The following ARAP2 variants were observed in gnomAD, a reference collection of about 807,000 sequenced individuals.
ARAP2 encodes the protein ArfGAP with RhoGAP domain, ankyrin repeat and PH domain 2.
In ARAP2, 148 loss-of-function variants were observed where a neutral mutation model predicts 194.5. The ratio of observed to expected loss-of-function variants is 0.76; its 90% confidence interval spans 0.67 to 0.87. The LOEUF is 0.87. Ranked by LOEUF, ARAP2 falls within the 40% of genes least tolerant of loss-of-function variation. The pLI is 0.00. For missense variants in ARAP2, 2,128 were observed against 1,989.7 expected, an observed-to-expected ratio of 1.07 and a Z score of -1.32; for synonymous variants, 695 against 683.5, an observed-to-expected ratio of 1.02 and a Z score of -0.26.
intron 26 of ARAP2, among the ~76,000 whole-genome samples, chr4:36,108,926 A>C (rs1040297757): frequency 1.3e-5 from 2 of 152,002 alleles, no homozygotes; most frequent in African/African-American, 4.8e-5. Context: ...ACTCTTTCAC[A>C]CCATCCAAAA....
At chr4:36,243,534 C>G (rs1176524923) in intron 1 of ARAP2, 1 of 151,992 alleles carries the variant, frequency 6.6e-6, no homozygotes, top group Non-Finnish European at 1.5e-5. Context: ...TTCCCCAAAT[C>G]AAAATAACTC....
In ARAP2 at chr4:36,121,332, A is replaced by G; in HGVS notation, c.3747-6T>C. On this transcript the variant is annotated splice_polypyrimidine_tract_variant and splice_region_variant and intron_variant, in intron 22 of 32. Transcript: ENST00000303965. ...TTTCTGAGCATTTCTGAACCCTGTC[A>G]GAGAAAAGCATAGTTTATTATGATA... 1 of 1,578,462 alleles carries G rather than the reference A, an allele frequency of 6.3e-7. No individual in the cohort carries two copies. The highest frequency in any genetic ancestry group is 8.6e-7 in the Non-Finnish European group (1 of 1,162,094).
At chr4:36,110,546 C>T (rs1295917704) in intron 26 of ARAP2, among the ~76,000 whole-genome samples, 2 of 151,618 alleles carry the variant, frequency 1.3e-5, no homozygotes, top group African/African-American at 2.4e-5. Context: ...AGGATGGGTT[C>T]GGATTTAAGG....
intron 27 of ARAP2, among the ~76,000 whole-genome samples, chr4:36,101,755 G>A (rs935799445): frequency 6.6e-6 from 1 of 151,984 alleles, no homozygotes; most frequent in Admixed American, 6.6e-5. Context: ...GACAAGATTA[G>A]AAAGCAACAT....
intron 1 of ARAP2, among the ~76,000 whole-genome samples, chr4:36,237,242 A>G (rs1268559608): frequency 1.3e-5 from 2 of 152,254 alleles, no homozygotes; most frequent in Non-Finnish European, 2.9e-5. Context: ...ACAAATTATT[A>G]TTTGCTAATA....
At chr4:36,123,030 A>G (rs1482337811) in intron 22 of ARAP2, among the ~76,000 whole-genome samples, 1 of 151,856 alleles carries the variant, frequency 6.6e-6, no homozygotes, top group African/African-American at 2.4e-5. Context: ...TGCATAGCAG[A>G]GATGGTGCAA....
intron 5 of ARAP2, among the ~76,000 whole-genome samples, chr4:36,038,076 T>C (rs1257810347): frequency 3.9e-5 from 6 of 152,144 alleles, no homozygotes; most frequent in African/African-American, 1.4e-4. Flanking sequence ...AGTCTAACCA[T>C]AGGAGTCAAG....
At chr4:36,136,783 A>ATGTGTGTG (rs772565955) in intron 19 of ARAP2, among the ~76,000 whole-genome samples, 2,518 of 143,862 alleles carry the variant, frequency 0.018, 62 homozygotes, top group African/African-American at 0.046. Flanking sequence ...AATCAAATAT[A>ATGTGTGTG]TGTGTGTGTG....
chr4:36,236,178 C>CAAA (rs35020862), intron 1 of ARAP2, among the ~76,000 whole-genome samples: 15 of 119,102 alleles, frequency 1.3e-4, no homozygotes, highest in African/African-American at 4.0e-4. Context: ...GACCCTGTCT[C>CAAA]AAAAAAAAAA....
rs370917685 is a variant in ARAP2 at position 36,152,046 on chromosome 4, G to T, written c.2753-1002C>A. On this transcript the variant is annotated intron_variant, in intron 15 of 32. Coordinates refer to ENST00000303965, the MANE Select transcript of ARAP2 (RefSeq NM_015230.4). ...TAGAATCTTAGGTGGGTGTGGGGGT[G>T]ACATGAAAGAAAATAAGACAATGTA... Among the ~76,000 whole-genome samples the T allele has an allele frequency of 1.1e-4, 16 of 152,188 alleles. No individual in the cohort carries two copies. The South Asian group carries it at 2.5e-3, about 24-fold the overall frequency.
At chr4:36,043,916 AAG>A (rs575255634) in intron 5 of ARAP2, among the ~76,000 whole-genome samples, 257 of 132,388 alleles carry the variant, frequency 1.9e-3, no homozygotes, top group African/African-American at 6.7e-3. Context: ...GAGAAAGAAA[AAG>A]AGAAAGAAAG....
At chr4:36,233,450 T>G (rs1751891481) in intron 1 of ARAP2, among the ~76,000 whole-genome samples, 1 of 152,204 alleles carries the variant, frequency 6.6e-6, no homozygotes, top group African/African-American at 2.4e-5. Context: ...ATGTGGTAAT[T>G]ACAGTCCTAA....
chr4:36,210,013 G>A (rs1437754479), intron 6 of ARAP2, among the ~76,000 whole-genome samples: 1 of 152,146 alleles, frequency 6.6e-6, no homozygotes, highest in East Asian at 1.9e-4. Context: ...GTTATGATAT[G>A]AGCAAAAGCC....
chr4:36,045,079 T>C (rs1393721055), intron 5 of ARAP2, among the ~76,000 whole-genome samples: 1 of 152,084 alleles, frequency 6.6e-6, no homozygotes, highest in Admixed American at 6.5e-5. Context: ...GGAAACAATA[T>C]ATATTGCAGG....
chr4:36,054,495 A>G (rs1723177263), intron 2 of ARAP2, among the ~76,000 whole-genome samples: 1 of 152,178 alleles, frequency 6.6e-6, no homozygotes, highest in Non-Finnish European at 1.5e-5. Context: ...GGGAAGTGAG[A>G]TGAGAAATTA....
At chr4:36,137,211 C>A (rs1461910126) in intron 19 of ARAP2, among the ~76,000 whole-genome samples, 2 of 151,860 alleles carry the variant, frequency 1.3e-5, no homozygotes, top group African/African-American at 4.8e-5. Flanking sequence ...ATATCTGTTT[C>A]TTTCAATATA....
At chr4:36,027,326 C>T (rs1718091182) in intron 5 of ARAP2, among the ~76,000 whole-genome samples, 1 of 151,834 alleles carries the variant, frequency 6.6e-6, no homozygotes, top group African/African-American at 2.4e-5. Flanking sequence ...AACCTAAATC[C>T]ATCTAAGCCC....
At chr4:36,128,945 C>G (rs1724692232) in intron 20 of ARAP2, among the ~76,000 whole-genome samples, 200 bp from the exon 21 acceptor site, 1 of 151,974 alleles carries the variant, frequency 6.6e-6, no homozygotes, top group Non-Finnish European at 1.5e-5. Flanking sequence ...ATGAGCAAAT[C>G]ATTGCAGCCT....
At chr4:36,235,929 C>T (rs759244987) in intron 1 of ARAP2, among the ~76,000 whole-genome samples, 1 of 152,102 alleles carries the variant, frequency 6.6e-6, no homozygotes, top group Admixed American at 6.5e-5. Context: ...GTAATTGCAG[C>T]GCTTTGGGAG....
Sources: gnomAD v4.1 joint callset for allele counts (sites outside exome capture counted in the v4.1 genomes callset) on GRCh38, gnomAD v4.1.1 for gene constraint, MANE v1.5 for transcripts, NCBI Gene and HGNC (gene_info 2026-07-23, HGNC 2026-07-21) for gene names.